Variants in BMERB1 observed in about 807,000 individuals in gnomAD.
BMERB1 encodes bMERB domain-containing protein 1.
A neutral mutation model predicts 23.6 loss-of-function variants in BMERB1; 12 were observed. The observed-to-expected ratio is 0.51, with a 90% CI of 0.33 to 0.82. The LOEUF (loss-of-function observed/expected upper bound fraction) is 0.82. BMERB1 is among the 40% of genes least tolerant of loss of function. BMERB1 has a pLI of 0.03. For missense variants in BMERB1, 247 were observed against 255.4 expected (o/e 0.97, Z 0.22); for synonymous variants, 122 against 96.6 (o/e 1.26, Z -1.54).
intron 3 of BMERB1, among the ~76,000 whole-genome samples, chr16:15,572,095 A>G (rs1157791763): frequency 5.3e-5 from 8 of 152,202 alleles, no homozygotes; most frequent in Non-Finnish European, 1.5e-5. Context: ...CAGCTCCCAC[A>G]TAAGAACTAC....
chr16:15,464,440 T>C (rs575404768), intron 1 of BMERB1, among the ~76,000 whole-genome samples: 1 of 151,744 alleles, frequency 6.6e-6, no homozygotes, highest in East Asian at 1.9e-4. Flanking sequence ...CTGGCCAACA[T>C]AGAGAGACCC....
intron 1 of BMERB1, among the ~76,000 whole-genome samples, chr16:15,471,496 C>T (rs922149521): frequency 4.6e-5 from 7 of 152,122 alleles, no homozygotes; most frequent in African/African-American, 7.2e-5. Flanking sequence ...CAAGTTTCTG[C>T]GTAAAAAGTT....
chr16:15,434,922 G>T (rs974402374), intron 1 of BMERB1, among the ~76,000 whole-genome samples, 163 bp downstream of exon 1: 2 of 152,250 alleles, frequency 1.3e-5, no homozygotes, highest in Non-Finnish European at 2.9e-5. Context: ...GCAGCGACGC[G>T]CTCTCCCCGC....
At chr16:15,567,497 C>T (rs1194391957) in intron 2 of BMERB1, among the ~76,000 whole-genome samples, 1 of 152,198 alleles carries the variant, frequency 6.6e-6, no homozygotes. Context: ...CCTGTAATCC[C>T]AGCACTTTGG....
intron 1 of BMERB1, among the ~76,000 whole-genome samples, chr16:15,482,264 A>T (rs1318501402): frequency 6.6e-6 from 1 of 151,904 alleles, no homozygotes; most frequent in African/African-American, 2.4e-5. Context: ...ATGTTAAGGC[A>T]ACATCTTCTC....
intron 2 of BMERB1, chr16:15,533,076 G>T (rs959263224): frequency 4.4e-6 from 2 of 452,342 alleles, no homozygotes; most frequent in Admixed American, 4.8e-5. Context: ...CTCGCAGGGT[G>T]GTCATGAGGA....
intron 1 of BMERB1, among the ~76,000 whole-genome samples, chr16:15,476,569 G>T (rs2051276648): frequency 6.6e-6 from 1 of 152,248 alleles, no homozygotes; most frequent in Non-Finnish European, 1.5e-5. Context: ...GGCTGGCCAT[G>T]ACTTGTGCCA....
chr16:15,572,001 G>A (rs1032050094), intron 3 of BMERB1, among the ~76,000 whole-genome samples: 1 of 152,020 alleles, frequency 6.6e-6, no homozygotes. Context: ...TGCTGCCTGT[G>A]TCTCTTTTTC....
chr16:15,570,644 G>A (rs2030702349), intron 3 of BMERB1, among the ~76,000 whole-genome samples: 1 of 152,172 alleles, frequency 6.6e-6, no homozygotes, highest in African/African-American at 2.4e-5. Context: ...AGTCCGTAAA[G>A]TGAAAGCAAG....
At chr16:15,446,237 A>G (rs953746119) in intron 1 of BMERB1, among the ~76,000 whole-genome samples, 3 of 151,980 alleles carry the variant, frequency 2.0e-5, no homozygotes, top group African/African-American at 7.3e-5. Context: ...CAAAAAAATA[A>G]AAAAATAAAC....
chr16:15,538,610 A>G (rs1009555146), intron 2 of BMERB1, among the ~76,000 whole-genome samples: 4 of 152,152 alleles, frequency 2.6e-5, no homozygotes, highest in African/African-American at 9.7e-5. Context: ...ATTCCAGCGG[A>G]TCCTAGAACA....
chr16:15,557,054 G>A (rs968002141), intron 2 of BMERB1, among the ~76,000 whole-genome samples: 1 of 152,168 alleles, frequency 6.6e-6, no homozygotes, highest in Admixed American at 6.6e-5. Flanking sequence ...AACTCAAGCT[G>A]CTGATGCCTC....
chr16:15,477,364 G>A (rs979422223), intron 1 of BMERB1, among the ~76,000 whole-genome samples: 14 of 152,162 alleles, frequency 9.2e-5, no homozygotes, highest in Admixed American at 3.9e-4. Context: ...ACCTGGTCCC[G>A]CCCTTGACAC....
intron 2 of BMERB1, among the ~76,000 whole-genome samples, chr16:15,520,194 A>G (rs2051833092): frequency 6.6e-6 from 1 of 152,162 alleles, no homozygotes; most frequent in Non-Finnish European, 1.5e-5. Context: ...ATAAAGTAGT[A>G]CCAGGATTTG....
In BMERB1 at chr16:15,489,443, G is replaced by A. The variant is rs1001836988; in HGVS notation, c.107-25862G>A. Among the ~76,000 whole-genome samples, 28 of 152,012 alleles carry A rather than the reference G, an allele frequency of 1.8e-4. 1 individual carries two copies. Among genetic ancestry groups the A allele is most frequent in the African/African-American group, 6.0e-4 (25 of 41,366 alleles). On this transcript the variant is annotated intron_variant, in intron 1 of 5. Coordinates refer to ENST00000300006, the MANE Select transcript of BMERB1 (RefSeq NM_033201.3). Reference sequence around the variant, plus strand: ...TCCTCCCATTGGCAAAATTCCCCTCGCAGGTTCCAGCTTCTTTCTCTTAGA... The same window carrying A: ...TCCTCCCATTGGCAAAATTCCCCTCACAGGTTCCAGCTTCTTTCTCTTAGA...
chr16:15,446,475 C>G (rs2050990967), intron 1 of BMERB1, among the ~76,000 whole-genome samples: 2 of 152,180 alleles, frequency 1.3e-5, no homozygotes, highest in South Asian at 2.1e-4. Context: ...GTTTTACATG[C>G]ATCCTCCGCT....
At chr16:15,543,248 C>T (rs751626451) in intron 2 of BMERB1, among the ~76,000 whole-genome samples, 22 of 152,216 alleles carry the variant, frequency 1.4e-4, no homozygotes, top group Middle Eastern at 3.4e-3. Context: ...TCTCTTCTCT[C>T]CTTCTCTGCC....
chr16:15,546,586 C>G (rs2029924693), intron 2 of BMERB1, among the ~76,000 whole-genome samples: 1 of 152,156 alleles, frequency 6.6e-6, no homozygotes, highest in Non-Finnish European at 1.5e-5. Context: ...CTCAAAATTA[C>G]AAAGTTTCCC....
In BMERB1 at chr16:15,561,262, T is replaced by C. The variant is rs1465867388; in HGVS notation, c.231-6721T>C. ...GTGAGCCACCACGCCGGCCATTTTTTTTTTTTTTTTTTTTTTTTTTTTGGG... is the reference window on the plus strand; with the variant it reads ...GTGAGCCACCACGCCGGCCATTTTTCTTTTTTTTTTTTTTTTTTTTTTGGG... On this transcript the variant is annotated intron_variant, in intron 2 of 5. Transcript: ENST00000300006. Among the ~76,000 whole-genome samples, 17 of 117,310 alleles carry C rather than the reference T, an allele frequency of 1.4e-4. No homozygotes were observed. The South Asian group carries it at 5.0e-3, about 35-fold the overall frequency. The allele number at this position is 117,310 out of a possible 152,430, so 77.0% of individuals were successfully genotyped here.
Sources: gnomAD v4.1 joint callset for allele counts (sites outside exome capture counted in the v4.1 genomes callset) on GRCh38, gnomAD v4.1.1 for gene constraint, MANE v1.5 for transcripts, NCBI Gene and HGNC (gene_info 2026-07-23, HGNC 2026-07-21) for gene names.